Variants in FAM186A observed in about 807,000 individuals in gnomAD.
FAM186A encodes the protein protein FAM186A.
A neutral mutation model predicts 216.8 loss-of-function variants in FAM186A; 163 were observed. That is an observed-to-expected ratio of 0.75 (90% confidence interval 0.66 to 0.86). The LOEUF (loss-of-function observed/expected upper bound fraction) is 0.86. Among genes scored for constraint, FAM186A ranks in the 40% least tolerant of loss-of-function variants. The probability of loss-of-function intolerance (pLI) is 0.00; values close to 1 mark genes in which losing one functional copy is unlikely to be tolerated. For missense variants in FAM186A, 2,184 were observed against 2,746.2 expected (o/e 0.80, Z 4.58); for synonymous variants, 805 against 1,025.3 (o/e 0.79, Z 4.10).
rs60955395 is a variant in FAM186A, at chr12:50,380,521, CAAAAAAAAA to C, written c.192+15763_192+15771del. ...TGAAACCCTGTCTCTACTAAAAATACAAAAAAAAAAAAAAAAAAAAAAAAATTAGCTGGG... is the reference window on the plus strand; with the variant it reads ...TGAAACCCTGTCTCTACTAAAAATACAAAAAAAAAAAAAAAATTAGCTGGG... On this transcript the variant is annotated intron_variant, in intron 1 of 7. Transcript: ENST00000327337. 3.3e-4 allele frequency among the ~76,000 whole-genome samples: 25 copies of C among 76,398 alleles called. No homozygotes were observed. The South Asian group carries it at 7.8e-3, about 24-fold the overall frequency. The allele number at this position is 76,398 out of a possible 152,430, so 50.1% of individuals were successfully genotyped here. A position where few individuals can be genotyped will look rare whatever the true frequency, so the allele number is the denominator to read the frequency against.
intron 1 of FAM186A, among the ~76,000 whole-genome samples, chr12:50,389,026 G>A (rs1024930044): frequency 6.6e-6 from 1 of 151,652 alleles, no homozygotes; most frequent in Non-Finnish European, 1.5e-5. Context: ...CTACACTCCA[G>A]CCTGGGCAAC....
Position 50,393,541 on chromosome 12 carries a change from CA to C in FAM186A, c.192+2751del, listed in dbSNP as rs1331001890. Among the ~76,000 whole-genome samples, 374 of 132,970 alleles carry C rather than the reference CA, an allele frequency of 2.8e-3. 1 individual carries two copies. The highest frequency in any genetic ancestry group is 6.6e-3 in the African/African-American group (238 of 36,000). The allele number at this position is 132,970 out of a possible 152,430, so 87.2% of individuals were successfully genotyped here. A position where few individuals can be genotyped will look rare whatever the true frequency, so the allele number is the denominator to read the frequency against. On this transcript the variant is annotated intron_variant, in intron 1 of 7. Coordinates refer to ENST00000327337, the MANE Select transcript of FAM186A (RefSeq NM_001145475.3). ...TGGGTGTCAGAGCGAGACTCCATCT[CA>C]AAAAAAAAAAAAGTGTATTTTGGGC...
Position 50,353,376 on chromosome 12 carries a change from G to T in FAM186A, c.3456C>A (p.Asp1152Glu), listed in dbSNP as rs1342603854. Residue 1152 changes from aspartate (D) to glutamate (E), a missense_variant, in exon 4 of 8, where the codon GAC becomes GAA. Physicochemically the swap from Asp to Glu is conservative, Grantham distance 45 (BLOSUM62 2). Around this residue, in one of 7 missense-constraint regions of FAM186A, gnomAD observed 267 missense variants for 446.2 expected, o/e 0.60. Transcript: ENST00000327337. ...VQGITLTPQQDQAPGISLTTQ... is the reference protein window; with the variant it reads ...VQGITLTPQQEQAPGISLTTQ... ...TGGTGAGAGAGATCCCCGGGGCCTGGTCCTGCTGAGGGGTGAGAGTGATCC... is the reference window on the plus strand; with the variant it reads ...TGGTGAGAGAGATCCCCGGGGCCTGTTCCTGCTGAGGGGTGAGAGTGATCC... 1 of 1,529,414 alleles carries T rather than the reference G, an allele frequency of 6.5e-7. No individual in the cohort carries two copies. The highest frequency in any genetic ancestry group is 8.8e-7 in the Non-Finnish European group (1 of 1,137,406). 94.7% of individuals were successfully genotyped at this position (1,529,414 alleles called of 1,614,324 possible).
intron 1 of FAM186A, among the ~76,000 whole-genome samples, chr12:50,373,164 C>T (rs548391072): frequency 4.6e-5 from 7 of 151,804 alleles, no homozygotes; most frequent in Admixed American, 2.6e-4. Context: ...TTTAGGAGGC[C>T]GAGGTGGGCA....
At position 50,352,730 on chromosome 12, in the gene FAM186A, C is replaced by A. The variant is rs1424547533; in HGVS notation, c.4102G>T (p.Ala1368Ser). The A allele has an allele frequency of 4.0e-6, 6 of 1,516,992 alleles. No individual in the cohort carries two copies. The highest frequency in any genetic ancestry group is 5.3e-6 in the Non-Finnish European group (6 of 1,129,550). The allele number at this position is 1,516,992 out of a possible 1,614,324, so 94.0% of individuals were successfully genotyped here. The change falls in exon 4 of 8, where the codon GCT becomes TCT. Residue 1368 changes from alanine (A) to serine (S), a missense_variant. Coordinates refer to ENST00000327337, the MANE Select transcript of FAM186A (RefSeq NM_001145475.3). ...GTGAGAGGCATCCCCAAGGCCTGAG[C>A]GTGCTGAGGGGTGAGAGGGATCCCC... ...ELGIPLTPQHAQALGMPLTTQ... is the reference protein window; with the variant it reads ...ELGIPLTPQHSQALGMPLTTQ...
rs1278367216 is a variant in FAM186A, at chr12:50,355,855, T to C, written c.977A>G (p.Lys326Arg). ...LQQKLQDAEE[K>R]CEQLIRSKIV... ...TTTGGATCGAATAAGTTGTTCACATTTTTCTTCTGCATCTTGAAGTTTCTG... is the reference window on the plus strand; with the variant it reads ...TTTGGATCGAATAAGTTGTTCACATCTTTCTTCTGCATCTTGAAGTTTCTG... Residue 326 changes from lysine (K) to arginine (R), a missense_variant, in exon 4 of 8, where the codon AAA (lysine) becomes AGA (arginine). Lys to Arg is a conservative substitution (Grantham distance 26). Transcript: ENST00000327337. The C allele has an allele frequency of 1.9e-6, 3 of 1,551,316 alleles. No individual in the cohort carries two copies. The highest frequency in any genetic ancestry group is 2.0e-5 in the Admixed American group (1 of 50,966).
chr12:50,354,262 A>T lies in FAM186A; in HGVS notation c.2570T>A (p.Ile857Lys), dbSNP rs577039831. 319 of 1,551,152 alleles carry T rather than the reference A, an allele frequency of 2.1e-4. 6 individuals carry two copies. The South Asian group carries it at 3.4e-3, about 16-fold the overall frequency. ...CTTTTTTTCTTCCCAATTCTCACTT[A>T]TCTTCTCATAGTGCTCCTTCAAGAG... ...RNLLKEHYEK[I>K]SENWEEKKAW... The change falls in exon 4 of 8, where the codon ATA becomes AAA. Residue 857 changes from isoleucine (I) to lysine (K), a missense_variant. This residue lies in a region of FAM186A where 1,132 missense variants were observed against 1,263.4 expected (regional missense o/e 0.90). Transcript: ENST00000327337.
At chr12:50,340,883 G>A (rs953302763) in intron 4 of FAM186A, among the ~76,000 whole-genome samples, 16 of 150,306 alleles carry the variant, frequency 1.1e-4, no homozygotes, top group Middle Eastern at 3.4e-3. Flanking sequence ...TGCAACTTCT[G>A]CCTCCCGAGT....
chr12:50,333,783 G>T, intron 5 of FAM186A, 128 bp downstream of exon 5: 1 of 886,056 alleles, frequency 1.1e-6, no homozygotes, highest in Non-Finnish European at 1.7e-6. Context: ...TATGAAGTTT[G>T]TGGTAATTTG....
intron 6 of FAM186A, among the ~76,000 whole-genome samples, chr12:50,331,065 A>C (rs1024639556): frequency 6.6e-6 from 1 of 152,318 alleles, no homozygotes; most frequent in South Asian, 2.1e-4. Context: ...TCCTTAAAAA[A>C]AAATAGAAGA....
intron 1 of FAM186A, among the ~76,000 whole-genome samples, chr12:50,395,417 A>C (rs1943403511): frequency 6.6e-6 from 1 of 152,164 alleles, no homozygotes; most frequent in Non-Finnish European, 1.5e-5. Context: ...AGAGAATAAA[A>C]TGCAGTATAA....
At chr12:50,363,101 C>T (rs1436621668) in intron 2 of FAM186A, 44 bp downstream of exon 2, 3 of 1,431,316 alleles carry the variant, frequency 2.1e-6, no homozygotes, top group Non-Finnish European at 2.8e-6. Flanking sequence ...TTCTCTTTTT[C>T]ATTAACTTTA....
intron 4 of FAM186A, among the ~76,000 whole-genome samples, chr12:50,340,730 A>G (rs1038603751): frequency 5.9e-5 from 9 of 151,912 alleles, no homozygotes; most frequent in Admixed American, 4.6e-4. Context: ...AGAGCACAAC[A>G]TCTAGTACTA....
intron 4 of FAM186A, among the ~76,000 whole-genome samples, chr12:50,339,022 T>A (rs1942737393): frequency 6.7e-6 from 1 of 148,188 alleles, no homozygotes; most frequent in African/African-American, 2.5e-5. Flanking sequence ...ACTGTAGTAA[T>A]TTTTTTTTTT....
intron 4 of FAM186A, among the ~76,000 whole-genome samples, chr12:50,339,739 T>C (rs948164140): frequency 1.5e-5 from 1 of 66,468 alleles, no homozygotes; most frequent in Non-Finnish European, 3.2e-5. Context: ...CACAAAGTAC[T>C]TTACACACAC....
Position 50,355,350 on chromosome 12 carries a change from A to G in FAM186A, c.1482T>C (p.Tyr494=). Residue 494 remains tyrosine (Y), a synonymous_variant, in exon 4 of 8, where the codon TAT becomes TAC. Transcript: ENST00000327337. ...TTTTCTTTTTCAGTACTTGTAGCTC[A>G]TAGTATTGACTAGGTTTGGCCTCTG... is the stretch of plus-strand genomic sequence containing the variant. The part of the protein sequence containing the change: ...KVSEAKPSQY[Y]ELQVLKKKRK... 1 of 1,551,128 alleles carries G rather than the reference A, an allele frequency of 6.4e-7. No individual in the cohort carries two copies. Among genetic ancestry groups the G allele is most frequent in the Non-Finnish European group, 8.7e-7 (1 of 1,146,900 alleles).
rs1323061797 is a variant in FAM186A, at chr12:50,328,696, A to G, written c.7035-1292T>C. Reference sequence around the variant, plus strand: ...CTAATTTTTTGTATTTTTAGTAGAGACAGGGTTTCACCAAGTTGGCCAGGC... The same window carrying G: ...CTAATTTTTTGTATTTTTAGTAGAGGCAGGGTTTCACCAAGTTGGCCAGGC... On this transcript the variant is annotated intron_variant, in intron 7 of 7. Transcript: ENST00000327337. Among the ~76,000 whole-genome samples, 4 of 151,876 alleles carry G rather than the reference A, an allele frequency of 2.6e-5. No homozygotes were observed. The East Asian group carries it at 7.9e-4, about 30-fold the overall frequency.
Position 50,330,678 on chromosome 12 carries a change from A to C in FAM186A, c.6929T>G (p.Met2310Arg), listed in dbSNP as rs1227147751. ...SSYPIAEKTS[M>R]HSLWAQLGGY... Reference sequence around the variant, plus strand: ...ACCCAGCTGGGCCCAGAGTGAATGCATAGATGTCTTCTCTGCTATTGGGTA... The same window carrying C: ...ACCCAGCTGGGCCCAGAGTGAATGCCTAGATGTCTTCTCTGCTATTGGGTA... The change falls in exon 7 of 8, where the codon ATG becomes AGG. Residue 2310 changes from methionine (M) to arginine (R), a missense_variant. Transcript: ENST00000327337. 1.9e-6 allele frequency: 3 copies of C among 1,550,224 alleles called. No individual in the cohort carries two copies. The South Asian group carries it at 3.6e-5, about 19-fold the overall frequency.
Position 50,351,304 on chromosome 12 carries a change from G to A in FAM186A, c.5528C>T (p.Pro1843Leu). The change falls in exon 4 of 8, where the codon CCA (proline) becomes CTA (leucine). Residue 1843 changes from proline (P) to leucine (L), a missense_variant. By Grantham distance (98) the Pro-to-Leu change is moderately conservative (BLOSUM62 -3). Transcript: ENST00000327337. ...TPGQPFIAGV[P>L]PTSGQIPSLW... ...ACTTGGAATCTGTCCAGAAGTGGGT[G>A]GAACTCCAGCTATAAAGGGCTGCCC... 6.5e-7 allele frequency: 1 copy of A among 1,531,860 alleles called. No individual in the cohort carries two copies. The highest frequency in any genetic ancestry group is 8.8e-7 in the Non-Finnish European group (1 of 1,139,070). The allele number at this position is 1,531,860 out of a possible 1,614,324, so 94.9% of individuals were successfully genotyped here.
Sources: gnomAD v4.1 joint callset for allele counts (sites outside exome capture counted in the v4.1 genomes callset) on GRCh38, gnomAD v4.1.1 for gene constraint, gnomAD v4.1.1 regional missense constraint, MANE v1.5 for transcripts, NCBI Gene and HGNC (gene_info 2026-07-23, HGNC 2026-07-21) for gene names.